MRPS15: variants seen among roughly 807,000 people sequenced by gnomAD.
MRPS15 encodes the protein mitochondrial ribosomal protein S15.
A neutral mutation model predicts 30.7 loss-of-function variants in MRPS15; 25 were observed. The observed-to-expected ratio is 0.81, with a 90% confidence interval of 0.59 to 1.14. The LOEUF is 1.14. Ranked by LOEUF, MRPS15 falls within the 50% of genes most tolerant of loss-of-function variation. The pLI, the probability that MRPS15 is intolerant of heterozygous loss-of-function variation, is 0.00. For missense variants in MRPS15, 313 were observed against 321.7 expected (o/e 0.97, Z 0.21); for synonymous variants, 124 against 120.1 (o/e 1.03, Z -0.21).
At chr1:36,457,552 G>C (rs556687669) in intron 6 of MRPS15, among the ~76,000 whole-genome samples, 1 of 152,294 alleles carries the variant, frequency 6.6e-6, no homozygotes, top group Admixed American at 6.5e-5. Context: ...GCAAGTATTT[G>C]TATGATCTCC....
At chr1:36,459,626 T>C (rs930670734) in intron 5 of MRPS15, 2 of 152,206 alleles carry the variant, frequency 1.3e-5, no homozygotes, top group Admixed American at 1.3e-4. Context: ...AAAGAGGCTA[T>C]GGAGGACCCT....
At chr1:36,464,051 C>G in intron 1 of MRPS15, 95 bp downstream of exon 1, 4 of 1,290,028 alleles carry the variant, frequency 3.1e-6, no homozygotes, top group Non-Finnish European at 4.2e-6. Context: ...TTATCCTGAC[C>G]GCTGTATATC....
At chr1:36,456,070 A>C (rs1279827708) in intron 7 of MRPS15, 117 bp downstream of exon 7, 3 of 1,465,850 alleles carry the variant, frequency 2.0e-6, no homozygotes, top group Non-Finnish European at 1.8e-6. Flanking sequence ...CCCTGGATCC[A>C]TTCCAGGGCC....
At position 36,455,878 on chromosome 1, in the gene MRPS15, C is replaced by T. The variant is rs999181737; in HGVS notation, c.684G>A (p.Lys228=). The T allele has an allele frequency of 1.5e-5, 24 of 1,613,978 alleles. No homozygotes were observed. Among genetic ancestry groups the T allele is most frequent in the Non-Finnish European group, 1.9e-5 (23 of 1,180,034 alleles). The change falls in exon 8 of 8, where the codon AAG becomes AAA. Residue 228 remains lysine (K), a synonymous_variant. Transcript: ENST00000373116. ...CTTGTTTTTGGGCTGCTGCTGCAGC[C>T]TTTAAGGCTCTTCTTCGCTTCTTCA... The part of the protein sequence containing the change: ...QKLKKRRRAL[K]AAAAAQKQAK...
In MRPS15 at chr1:36,460,063, T is replaced by C. The variant is rs866002377; in HGVS notation, c.385+629A>G. Among the ~76,000 whole-genome samples, 15 of 152,266 alleles carry C rather than the reference T, an allele frequency of 9.9e-5. No individual in the cohort carries two copies. In the South Asian group the frequency reaches 2.3e-3, roughly 23 times the overall value. ...TCTCGCTCTGTTGCCCAGGCGAGAG[T>C]GCAGTGGCGCGATCTCGGCTCACTG... On this transcript the variant is annotated intron_variant, in intron 5 of 7. Coordinates refer to ENST00000373116, the MANE Select transcript of MRPS15 (RefSeq NM_031280.4).
chr1:36,457,509 T>G (rs1443508929), intron 6 of MRPS15, among the ~76,000 whole-genome samples: 2 of 152,198 alleles, frequency 1.3e-5, no homozygotes, highest in East Asian at 3.8e-4. Flanking sequence ...TTGGCTGTTA[T>G]TATTATTTCA....
chr1:36,462,876 T>G (rs1426386881), intron 2 of MRPS15, among the ~76,000 whole-genome samples: 1 of 152,234 alleles, frequency 6.6e-6, no homozygotes, highest in Admixed American at 6.5e-5. Flanking sequence ...CTTGCTATGT[T>G]GCCCAGGCTG....
chr1:36,461,210 G>C (rs1458517610), intron 4 of MRPS15, 54 bp downstream of exon 4: 6 of 1,556,096 alleles, frequency 3.9e-6, no homozygotes, highest in Non-Finnish European at 5.3e-6. Context: ...AGGGTAGAAG[G>C]GAGTCCCAGA....
Position 36,464,379 on chromosome 1 carries a change from C to T in MRPS15, c.-104G>A. 6.9e-7 allele frequency: 1 copy of T among 1,455,458 alleles called. No homozygotes were observed. The highest frequency in any genetic ancestry group is 9.2e-7 in the Non-Finnish European group (1 of 1,090,284). The allele number at this position is 1,455,458 out of a possible 1,614,324, so 90.2% of individuals were successfully genotyped here. ...CCATGCTGGCCCAGGATCGACCAAT[C>T]GAGGCAGTTGCAATACCGGAGCAGA... On this transcript the variant is annotated 5_prime_UTR_variant, in exon 1 of 8. Coordinates refer to ENST00000373116, the MANE Select transcript of MRPS15 (RefSeq NM_031280.4).
chr1:36,461,727 C>T (rs1365875016), intron 3 of MRPS15, among the ~76,000 whole-genome samples: 4 of 152,206 alleles, frequency 2.6e-5, no homozygotes. Flanking sequence ...TAGCTCTGCC[C>T]TTTAGAACTG....
chr1:36,461,297 C>T lies in MRPS15; in HGVS notation c.267G>A (p.Val89=), dbSNP rs763186846. 2 of 1,614,152 alleles carry T rather than the reference C, an allele frequency of 1.2e-6. No individual in the cohort carries two copies. Among genetic ancestry groups the T allele is most frequent in the South Asian group, 2.2e-5 (2 of 91,090 alleles). Residue 89 remains valine, a synonymous_variant, in exon 4 of 8, where the codon GTG becomes GTA. Coordinates refer to ENST00000373116, the MANE Select transcript of MRPS15 (RefSeq NM_031280.4). ...CCATTTCCAAAGACAAGAGTCTTTT[C>T]ACGACATCATCAACCCTGTGGATAA... is the stretch of plus-strand genomic sequence containing the variant. ...VPGIEKVDDV[V]KRLLSLEMAN...
chr1:36,458,373 C>T lies in MRPS15; in HGVS notation c.386-392G>A, dbSNP rs4652915. 46,524 of 163,282 alleles carry T rather than the reference C, an allele frequency of 0.28. 7,092 individuals are homozygous for T. The highest frequency in any genetic ancestry group is 0.38 in the Admixed American group (6,143 of 16,036). The allele number at this position is 163,282 out of a possible 1,614,324, so 10.1% of individuals were successfully genotyped here. A position where few individuals can be genotyped will look rare whatever the true frequency, so the allele number is the denominator to read the frequency against. On this transcript the variant is annotated intron_variant, in intron 5 of 7. Coordinates refer to ENST00000373116, the MANE Select transcript of MRPS15 (RefSeq NM_031280.4). This position sits in a 1 kb window ranked among gnomAD's most constrained non-coding sequence, Gnocchi z 4.5. ...ACTCCAGAGCAGCTGGGATTACAGGCGCCCGCCACCACACACGGCTAATTT... is the reference window on the plus strand; with the variant it reads ...ACTCCAGAGCAGCTGGGATTACAGGTGCCCGCCACCACACACGGCTAATTT...
intron 5 of MRPS15, among the ~76,000 whole-genome samples, chr1:36,459,978 G>T (rs753862771): frequency 1.3e-5 from 2 of 152,200 alleles, no homozygotes; most frequent in Non-Finnish European, 2.9e-5. Context: ...GCACCATGGT[G>T]TCTGTCTGGC....
chr1:36,462,912 T>G (rs748797086), intron 2 of MRPS15, among the ~76,000 whole-genome samples: 1 of 152,166 alleles, frequency 6.6e-6, no homozygotes, highest in East Asian at 1.9e-4. Flanking sequence ...CCTCAAGTGA[T>G]CCTCCAGCCT....
rs201683624 is a variant in MRPS15 at position 36,455,964 on chromosome 1, T to C, written c.637-39A>G. 425 of 1,598,922 alleles carry C rather than the reference T, an allele frequency of 2.7e-4. 1 individual carries two copies. Among genetic ancestry groups the C allele is most frequent in the Non-Finnish European group, 3.4e-4 (402 of 1,175,806 alleles). The stretch of plus-strand genomic sequence containing the variant: ...GGGGCAGAAAAAGACCTTGTAATCC[T>C]GTGCAAAACCTCAGACTTGGAACAA... On this transcript the variant is annotated intron_variant, in intron 7 of 7. Coordinates refer to ENST00000373116, the MANE Select transcript of MRPS15 (RefSeq NM_031280.4).
intron 7 of MRPS15, 25 bp from the exon 8 acceptor site, chr1:36,455,950 A>T: frequency 6.2e-7 from 1 of 1,610,534 alleles, no homozygotes; most frequent in South Asian, 1.1e-5. Flanking sequence ...GGGCAGAAAA[A>T]GACCTTGTAA....
In MRPS15 at chr1:36,456,315, G is replaced by A. The variant is rs1037968314; in HGVS notation, c.508C>T (p.Leu170Phe). ...AAGACATCATAGTTGGTGTTACGGA[G>A]GTTTTTGAGCATCTTTTTCCTCTGG... ...IDQRKKMLKN[L>F]RNTNYDVFEK... Residue 170 changes from leucine (L) to phenylalanine (F), a missense_variant, in exon 7 of 8, where the codon CTC becomes TTC. By Grantham distance (22) the Leu-to-Phe change is conservative. Transcript: ENST00000373116. 4 of 1,614,182 alleles carry A rather than the reference G, an allele frequency of 2.5e-6. No individual in the cohort carries two copies. The highest frequency in any genetic ancestry group is 1.6e-4 in the Middle Eastern group (1 of 6,062).
intron 7 of MRPS15, 98 bp from the exon 8 acceptor site, chr1:36,456,023 C>T: frequency 6.6e-7 from 1 of 1,521,984 alleles, no homozygotes; most frequent in South Asian, 1.3e-5. Flanking sequence ...AGATGGTAAC[C>T]CCAGCCTTTC....
At position 36,456,095 on chromosome 1, in the gene MRPS15, T is replaced by C. The variant is rs537958086; in HGVS notation, c.636+92A>G. 2.9e-5 allele frequency: 43 copies of C among 1,503,286 alleles called. 1 individual carries two copies. The South Asian group carries it at 4.9e-4, about 17-fold the overall frequency. The allele number at this position is 1,503,286 out of a possible 1,614,324, so 93.1% of individuals were successfully genotyped here. On this transcript the variant is annotated intron_variant, in intron 7 of 7. Transcript: ENST00000373116. ...ATTCCAGGGCCTGGGGCCAGTTCCA[T>C]GCCTCTAACAGAAACAGATGATCCC...
Sources: allele counts gnomAD v4.1 joint callset (sites outside exome capture counted in the v4.1 genomes callset), GRCh38; gene constraint gnomAD v4.1.1; non-coding constraint Gnocchi (gnomAD v3.1); transcripts MANE v1.5; gene names NCBI Gene and HGNC (gene_info 2026-07-23, HGNC 2026-07-21).